Variants in DMD observed in about 807,000 individuals in gnomAD.
DMD encodes the protein mutant dystrophin.
In DMD, 63 loss-of-function variants were observed where a neutral mutation model predicts 330.1. The ratio of observed to expected loss-of-function variants is 0.19; its 90% CI spans 0.16 to 0.24. The LOEUF (loss-of-function observed/expected upper bound fraction) is 0.24, where lower values mean the gene tolerates loss of function less well. Among genes scored for constraint, DMD ranks in the 10% least tolerant of loss-of-function variants. The pLI is 1.00. For synonymous variants in DMD, 1,223 were observed against 959.8 expected (o/e 1.27, Z -5.07); for missense variants, 3,344 against 2,684.1 (o/e 1.25, Z -5.43).
intron 55 of DMD, among the ~76,000 whole-genome samples, chrX:31,513,677 T>G (rs986593520): frequency 4.5e-5 from 5 of 111,191 alleles, no homozygotes; most frequent in Non-Finnish European, 9.4e-5. Flanking sequence ...CAATAACGAA[T>G]GAACAAAGGG....
intron 44 of DMD, among the ~76,000 whole-genome samples, chrX:31,972,001 G>A (rs1361067435): frequency 1.8e-5 from 2 of 111,495 alleles, no homozygotes; most frequent in African/African-American, 6.5e-5. Flanking sequence ...TTCTTAATAA[G>A]AAGTGCATAT....
chrX:31,156,046 A>C (rs1011052246), intron 74 of DMD, among the ~76,000 whole-genome samples: 1 of 111,308 alleles, frequency 9.0e-6, no homozygotes, highest in African/African-American at 3.3e-5. Flanking sequence ...CATCTTTATC[A>C]AACACAAATT....
At chrX:33,052,153 A>G (rs1203086381) in intron 1 of DMD, among the ~76,000 whole-genome samples, 1 of 111,928 alleles carries the variant, frequency 8.9e-6, no homozygotes, top group Non-Finnish European at 1.9e-5. Context: ...TGTAGTTTAA[A>G]ATATTGTTCT....
At chrX:32,380,993 T>C (rs774984545) in intron 33 of DMD, among the ~76,000 whole-genome samples, 2 of 110,908 alleles carry the variant, frequency 1.8e-5, no homozygotes, top group South Asian at 7.6e-4. Context: ...TAAGTCAAAC[T>C]GAAGATAAAA....
intron 32 of DMD, among the ~76,000 whole-genome samples, chrX:32,387,645 C>T (rs2097968741): frequency 1.8e-5 from 2 of 111,126 alleles, no homozygotes; most frequent in African/African-American, 6.5e-5. Flanking sequence ...GTTAACATTC[C>T]TTCATCACTA....
intron 34 of DMD, among the ~76,000 whole-genome samples, chrX:32,380,152 C>T (rs1273559995): frequency 9.0e-6 from 1 of 111,709 alleles, no homozygotes; most frequent in East Asian, 2.9e-4. Context: ...TCTTCAATCT[C>T]TGTGTCCTTG....
chrX:32,650,435 T>A lies in DMD; in HGVS notation c.961-5283A>T, dbSNP rs1052209826. 1.2e-4 allele frequency among the ~76,000 whole-genome samples: 13 copies of A among 111,446 alleles called. No individual in the cohort carries two copies. In the East Asian group the frequency reaches 3.4e-3, roughly 29 times the overall value. ...GTGTATTCTATAATCTTTTTACCCC[T>A]CAGTAAAAGATTATTTCCAAGATAA... On this transcript the variant is annotated intron_variant, in intron 9 of 78. Coordinates refer to ENST00000357033, the MANE Select transcript of DMD (RefSeq NM_004006.3).
chrX:32,815,524 C>T (rs868160785), intron 6 of DMD, among the ~76,000 whole-genome samples: 4 of 83,587 alleles, frequency 4.8e-5, no homozygotes, highest in East Asian at 3.9e-4. Context: ...TATATATACA[C>T]ACACACACAC....
intron 2 of DMD, among the ~76,000 whole-genome samples, chrX:32,935,200 G>A (rs1426619742): frequency 8.9e-6 from 1 of 112,624 alleles, no homozygotes; most frequent in African/African-American, 3.2e-5. Context: ...GGATGGTCTC[G>A]ATCTGCTGAC....
At chrX:32,312,171 T>C (rs2097564835) in intron 41 of DMD, among the ~76,000 whole-genome samples, 1 of 111,441 alleles carries the variant, frequency 9.0e-6, no homozygotes, top group African/African-American at 3.2e-5. Flanking sequence ...ATTTGTTTTG[T>C]TGTTTAATCA....
At chrX:32,358,826 A>G (rs1034171612) in intron 37 of DMD, among the ~76,000 whole-genome samples, 8 of 111,394 alleles carry the variant, frequency 7.2e-5, no homozygotes, top group African/African-American at 2.6e-4. Flanking sequence ...AGTGTAATAT[A>G]CGTAACGATG....
At chrX:32,960,859 G>A (rs1284950485) in intron 2 of DMD, among the ~76,000 whole-genome samples, 1 of 96,226 alleles carries the variant, frequency 1.0e-5, no homozygotes, top group Non-Finnish European at 2.0e-5. Flanking sequence ...AACCGTGCAC[G>A]CCAACATCAA....
At chrX:31,610,623 T>C (rs7877611) in intron 55 of DMD, among the ~76,000 whole-genome samples, 8,265 of 112,020 alleles carry the variant, frequency 0.074, 360 homozygotes, top group Admixed American at 0.18. Flanking sequence ...CAAAATGCAT[T>C]TTTATGATAA....
intron 9 of DMD, among the ~76,000 whole-genome samples, chrX:32,661,239 TTCA>T (rs1422838407): frequency 5.4e-5 from 6 of 111,377 alleles, no homozygotes; most frequent in Admixed American, 1.9e-4. Flanking sequence ...TAATGCTGTC[TTCA>T]TCATCTAAAT....
intron 16 of DMD, among the ~76,000 whole-genome samples, chrX:32,562,452 A>C (rs1462769884): frequency 8.9e-6 from 1 of 112,671 alleles, no homozygotes; most frequent in Non-Finnish European, 1.9e-5. Flanking sequence ...TGTTCTTTAT[A>C]TGAGTACAAC....
At chrX:32,230,391 C>T (rs1458015453) in intron 43 of DMD, among the ~76,000 whole-genome samples, 1 of 111,284 alleles carries the variant, frequency 9.0e-6, no homozygotes, top group Non-Finnish European at 1.9e-5. Context: ...ACTACAGGCG[C>T]CCGCCACCAC....
chrX:32,634,805 T>C (rs151241202), intron 11 of DMD, among the ~76,000 whole-genome samples: 137 of 111,567 alleles, frequency 1.2e-3, no homozygotes, highest in Non-Finnish European at 2.3e-3. Flanking sequence ...CTGCCTGGGG[T>C]TGGGGGAAGG....
intron 7 of DMD, chrX:32,756,433 TA>T (rs1235273201): frequency 1.8e-5 from 2 of 111,612 alleles, no homozygotes; most frequent in Non-Finnish European, 3.8e-5. Context: ...TTGATGACAA[TA>T]AAATCGCTAA....
chrX:31,467,405 C>T (rs1450023035), intron 59 of DMD, among the ~76,000 whole-genome samples: 2 of 110,973 alleles, frequency 1.8e-5, no homozygotes, highest in African/African-American at 3.3e-5. Flanking sequence ...AGGCCTTTTC[C>T]GCTTCTATTG....
Sources: allele counts gnomAD v4.1 joint callset (sites outside exome capture counted in the v4.1 genomes callset), GRCh38; gene constraint gnomAD v4.1.1; transcripts MANE v1.5; gene names NCBI Gene and HGNC (gene_info 2026-07-23, HGNC 2026-07-21).